AASS: variants seen among roughly 807,000 people sequenced by gnomAD.
The protein encoded by AASS is alpha-aminoadipic semialdehyde synthase, mitochondrial.
A neutral mutation model predicts 105.4 loss-of-function variants in AASS; 86 were observed. The observed-to-expected ratio is 0.82, with a 90% CI of 0.69 to 0.98. The LOEUF is 0.98. Ranked by LOEUF, AASS falls within the 50% of genes least tolerant of loss-of-function variation. The pLI is 0.00. For missense variants in AASS, 1,048 were observed against 1,143.2 expected, an observed-to-expected ratio of 0.92 and a Z score of 1.20; for synonymous variants, 381 against 394.8, an observed-to-expected ratio of 0.96 and a Z score of 0.41.
chr7:122,093,629 G>T (rs1164496844), intron 15 of AASS, among the ~76,000 whole-genome samples: 2 of 152,070 alleles, frequency 1.3e-5, no homozygotes, highest in African/African-American at 4.8e-5. Flanking sequence ...GGACAAGATG[G>T]TGAAACATCA....
chr7:122,129,164 A>G (rs1367260811), intron 3 of AASS, among the ~76,000 whole-genome samples, 197 bp downstream of exon 3: 1 of 152,178 alleles, frequency 6.6e-6, no homozygotes, highest in Non-Finnish European at 1.5e-5. Flanking sequence ...TTGATAGTAT[A>G]TGGCCAATTG....
intron 8 of AASS, 123 bp from the exon 9 acceptor site, chr7:122,115,345 T>A (rs1412009807): frequency 1.5e-6 from 2 of 1,297,196 alleles, no homozygotes; most frequent in Non-Finnish European, 2.2e-6. Context: ...TTGATTTTCT[T>A]ATTGTCCATG....
intron 21 of AASS, 60 bp downstream of exon 21, chr7:122,079,537 T>G: frequency 1.5e-6 from 2 of 1,364,222 alleles, no homozygotes; most frequent in Non-Finnish European, 2.1e-6. Context: ...TTTTTCTGAG[T>G]AGAAATTAGC....
rs754216956 is a variant in AASS at position 122,079,606 on chromosome 7, G to A, written c.2387C>T (p.Ala796Val). 1.2e-6 allele frequency: 2 copies of A among 1,611,158 alleles called. No individual in the cohort carries two copies. The highest frequency in any genetic ancestry group is 2.2e-5 in the East Asian group (1 of 44,832). The change falls in exon 21 of 24, where the codon GCT (alanine) becomes GTT (valine). Residue 796 changes from alanine (A) to valine (V), a missense_variant. Physicochemically the swap from Ala to Val is moderately conservative, Grantham distance 64. Coordinates refer to ENST00000417368, the MANE Select transcript of AASS (RefSeq NM_005763.4). ...AGTGGTGGGTGCCTACCATTCAGCA[G>A]CCTCCAACTGGGTATTGTCTCCTCC... Reference protein sequence around the residue: ...KLGGDNTQLEAAEWLGLLGDE... With the variant: ...KLGGDNTQLEVAEWLGLLGDE...
chr7:122,083,367 C>A (rs1206372), intron 19 of AASS, among the ~76,000 whole-genome samples: 1 of 151,948 alleles, frequency 6.6e-6, no homozygotes, highest in East Asian at 1.9e-4. Context: ...GATTTCTGAG[C>A]TATTTATTAA....
chr7:122,115,873 C>T (rs1795144962), intron 8 of AASS, among the ~76,000 whole-genome samples: 1 of 152,120 alleles, frequency 6.6e-6, no homozygotes, highest in Non-Finnish European at 1.5e-5. Context: ...ACATCTCAAG[C>T]TGAAGGTAAG....
chr7:122,136,828 A>T (rs1381802980), intron 1 of AASS, among the ~76,000 whole-genome samples: 2 of 152,078 alleles, frequency 1.3e-5, no homozygotes, highest in Non-Finnish European at 2.9e-5. Flanking sequence ...TTGAATGTTA[A>T]CCTCACTCAT....
At position 122,079,106 on chromosome 7, in the gene AASS, A is replaced by G; in HGVS notation, c.2397-156T>C. On this transcript the variant is annotated intron_variant, in intron 21 of 23. Coordinates refer to ENST00000417368, the MANE Select transcript of AASS (RefSeq NM_005763.4). ...TCTCCTAAAATGTAAAATAACAATA[A>G]CAATAGCAATGTTTTAACCTTCAGA... The G allele has an allele frequency of 3.3e-6, 5 of 1,530,208 alleles. No homozygotes were observed. In the South Asian group the frequency reaches 4.8e-5, roughly 15 times the overall value. The allele number at this position is 1,530,208 out of a possible 1,614,324, so 94.8% of individuals were successfully genotyped here.
chr7:122,116,920 T>A lies in AASS; in HGVS notation c.725A>T (p.Tyr242Phe). The part of the protein sequence containing the change: ...QAIFNELPCE[Y>F]VEPHELKEVS... ...TTCTTTTAATTCATGGGGCTCCACA[T>A]ATTCACAAGGTAGCTCATTAAAGAT... Residue 242 changes from tyrosine (Y) to phenylalanine (F), a missense_variant, in exon 7 of 24, where the codon TAT (tyrosine) becomes TTT (phenylalanine). Physicochemically the swap from Tyr to Phe is conservative, Grantham distance 22. Coordinates refer to ENST00000417368, the MANE Select transcript of AASS (RefSeq NM_005763.4). The A allele has an allele frequency of 2.5e-6, 4 of 1,614,030 alleles. No individual in the cohort carries two copies. The highest frequency in any genetic ancestry group is 3.4e-6 in the Non-Finnish European group (4 of 1,179,990).
chr7:122,117,638 CTATTTATTTATTTATT>C (rs751868427), intron 6 of AASS, among the ~76,000 whole-genome samples: 6 of 149,922 alleles, frequency 4.0e-5, no homozygotes, highest in Non-Finnish European at 7.5e-5. Flanking sequence ...ATTTATTTAT[CTATTTATTTATTTATT>C]TATTTATTTA....
intron 11 of AASS, among the ~76,000 whole-genome samples, chr7:122,105,544 T>C (rs1264190775): frequency 1.3e-5 from 2 of 152,004 alleles, no homozygotes; most frequent in African/African-American, 4.8e-5. Flanking sequence ...CTGATCACAG[T>C]GGTATGAAGC....
chr7:122,093,179 A>G, intron 15 of AASS, 21 bp from the exon 16 acceptor site: 1 of 1,539,310 alleles, frequency 6.5e-7, no homozygotes, highest in South Asian at 1.1e-5. Context: ...GGAAGAAACT[A>G]ATCAGAAACT....
Position 122,091,755 on chromosome 7 carries a change from A to C in AASS, c.1964T>G (p.Val655Gly). The change falls in exon 18 of 24, where the codon GTG becomes GGG. Residue 655 changes from valine to glycine, a missense_variant. Transcript: ENST00000417368. ...CTGCATTACATTCATCAAAACTCCC[A>C]CTGGACTCCAGCTAAATTTATATCT... Reference protein sequence around the residue: ...PLRYKFSWSPVGVLMNVMQSA... With the variant: ...PLRYKFSWSPGGVLMNVMQSA... 6.2e-7 allele frequency: 1 copy of C among 1,613,544 alleles called. No homozygotes were observed. The highest frequency in any genetic ancestry group is 8.5e-7 in the Non-Finnish European group (1 of 1,179,688).
chr7:122,083,736 G>T (rs1344230949), intron 19 of AASS, among the ~76,000 whole-genome samples: 2 of 152,078 alleles, frequency 1.3e-5, no homozygotes, highest in Admixed American at 1.3e-4. Flanking sequence ...AGGAGTTAGG[G>T]AGGATACCAC....
rs189078077 is a variant in AASS at position 122,076,694 on chromosome 7, C to A, written c.2663-87G>T. The A allele has an allele frequency of 4.8e-5, 49 of 1,015,016 alleles. No individual in the cohort carries two copies. In the Admixed American group the frequency reaches 7.2e-4, roughly 15 times the overall value. The allele number at this position is 1,015,016 out of a possible 1,614,324, so 62.9% of individuals were successfully genotyped here. A position where few individuals can be genotyped will look rare whatever the true frequency, so the allele number is the denominator to read the frequency against. On this transcript the variant is annotated intron_variant, in intron 23 of 23. Transcript: ENST00000417368. ...TCAAGAGTCTCCACAAAGAAGCAAACTCAGAGTCAATGAATTCTTGGAGGC... is the reference window on the plus strand; with the variant it reads ...TCAAGAGTCTCCACAAAGAAGCAAAATCAGAGTCAATGAATTCTTGGAGGC...
intron 6 of AASS, among the ~76,000 whole-genome samples, chr7:122,117,860 T>G (rs1286980226): frequency 2.6e-5 from 4 of 152,030 alleles, no homozygotes; most frequent in Non-Finnish European, 5.9e-5. Flanking sequence ...TTTACCATAT[T>G]GGCCAGGTTG....
intron 15 of AASS, among the ~76,000 whole-genome samples, chr7:122,097,580 G>A (rs1794221757): frequency 6.6e-6 from 1 of 151,848 alleles, no homozygotes; most frequent in South Asian, 2.1e-4. Context: ...GTGTACATAT[G>A]TACTCAAATA....
In AASS at chr7:122,116,904, T is replaced by A. The variant is rs372232198; in HGVS notation, c.741A>T (p.Glu247Asp). Residue 247 changes from glutamate (E) to aspartate (D), a missense_variant, in exon 7 of 24, where the codon GAA becomes GAT. Glu to Asp is a conservative substitution (Grantham distance 45). Transcript: ENST00000417368. ...ELPCEYVEPH[E>D]LKEVSQTGDL... ...CTCCAGTTTGGGAAACTTCTTTTAATTCATGGGGCTCCACATATTCACAAG... is the reference window on the plus strand; with the variant it reads ...CTCCAGTTTGGGAAACTTCTTTTAAATCATGGGGCTCCACATATTCACAAG... 1 of 1,614,076 alleles carries A rather than the reference T, an allele frequency of 6.2e-7. No individual in the cohort carries two copies. Among genetic ancestry groups the A allele is most frequent in the African/African-American group, 1.3e-5 (1 of 75,056 alleles).
At chr7:122,119,268 A>C (rs1246529199) in intron 4 of AASS, among the ~76,000 whole-genome samples, 1 of 152,100 alleles carries the variant, frequency 6.6e-6, no homozygotes, top group Non-Finnish European at 1.5e-5. Context: ...ATTCACCCTC[A>C]GGATTATGTC....
Sources: allele counts gnomAD v4.1 joint callset (sites outside exome capture counted in the v4.1 genomes callset), GRCh38; gene constraint gnomAD v4.1.1; transcripts MANE v1.5; gene names NCBI Gene and HGNC (gene_info 2026-07-23, HGNC 2026-07-21).